Variants in KCTD3 observed in about 807,000 individuals in gnomAD.
KCTD3 encodes potassium channel tetramerization domain containing 3, also known as BTB/POZ domain-containing protein KCTD3.
In KCTD3, 41 loss-of-function variants were observed where a neutral mutation model predicts 85.8. The ratio of observed to expected loss-of-function variants is 0.48; its 90% CI spans 0.37 to 0.62. The LOEUF (loss-of-function observed/expected upper bound fraction) is 0.62. KCTD3 is among the 20% of genes least tolerant of loss of function. The probability of loss-of-function intolerance (pLI) is 0.00; values close to 1 mark genes in which losing one functional copy is unlikely to be tolerated. For missense variants in KCTD3, 724 were observed against 989.9 expected, an observed-to-expected ratio of 0.73 and a Z score of 3.60; for synonymous variants, 338 against 345.4, an observed-to-expected ratio of 0.98 and a Z score of 0.24.
chr1:215,610,471 A>AAT (rs1338477758), intron 14 of KCTD3, among the ~76,000 whole-genome samples: 15 of 152,008 alleles, frequency 9.9e-5, no homozygotes, highest in African/African-American at 3.6e-4. Context: ...AGGTATGAAG[A>AAT]ATAGGTTATG....
intron 8 of KCTD3, among the ~76,000 whole-genome samples, chr1:215,582,968 G>A (rs933235994): frequency 5.9e-5 from 9 of 152,128 alleles, no homozygotes; most frequent in African/African-American, 1.9e-4. Flanking sequence ...ATCTTATTAA[G>A]AGTTAAATTC....
intron 13 of KCTD3, among the ~76,000 whole-genome samples, chr1:215,604,681 T>C (rs1479617199): frequency 6.6e-6 from 1 of 151,584 alleles, no homozygotes; most frequent in African/African-American, 2.4e-5. Context: ...TTTTGCTCTC[T>C]TGGCATATCT....
At chr1:215,582,931 T>A (rs1038830368) in intron 8 of KCTD3, among the ~76,000 whole-genome samples, 1 of 152,094 alleles carries the variant, frequency 6.6e-6, no homozygotes, top group Non-Finnish European at 1.5e-5. Flanking sequence ...TTCTTTGTAA[T>A]TTTTTAAAAA....
chr1:215,602,695 G>A (rs568047329), intron 12 of KCTD3, among the ~76,000 whole-genome samples: 2 of 152,092 alleles, frequency 1.3e-5, no homozygotes, highest in Non-Finnish European at 2.9e-5. Context: ...GACTAGTTCT[G>A]TAAAGTAGTA....
intron 10 of KCTD3, among the ~76,000 whole-genome samples, chr1:215,596,919 C>T (rs1660434177): frequency 6.6e-6 from 1 of 152,092 alleles, no homozygotes; most frequent in Admixed American, 6.5e-5. Context: ...TACAGCACAG[C>T]TAGAAAGGTT....
At chr1:215,573,215 TA>T (rs1390893071) in intron 1 of KCTD3, among the ~76,000 whole-genome samples, 2 of 152,122 alleles carry the variant, frequency 1.3e-5, no homozygotes, top group African/African-American at 4.8e-5. Flanking sequence ...ACTATGAGCT[TA>T]AAAAGAGATA....
intron 10 of KCTD3, 152 bp from the exon 11 acceptor site, chr1:215,601,715 G>A (rs997449221): frequency 1.8e-5 from 10 of 570,640 alleles, no homozygotes; most frequent in Admixed American, 6.3e-5. Context: ...GTGTGTGCAC[G>A]CGTGCACCTA....
chr1:215,568,670 G>C (rs1360336181), intron 1 of KCTD3, among the ~76,000 whole-genome samples: 1 of 152,040 alleles, frequency 6.6e-6, no homozygotes, highest in Non-Finnish European at 1.5e-5. Flanking sequence ...AAATGCTCTG[G>C]AATACAGTTA....
chr1:215,576,938 G>A (rs923695311), intron 4 of KCTD3, among the ~76,000 whole-genome samples: 1 of 152,094 alleles, frequency 6.6e-6, no homozygotes, highest in Non-Finnish European at 1.5e-5. Context: ...ATTTAACATA[G>A]TAATTGTATA....
Position 215,620,696 on chromosome 1 carries a change from T to TAGTGTAAAAACTAATG in KCTD3, c.*78_*79insAGTGTAAAAACTAATG. The stretch of plus-strand genomic sequence containing the variant: ...TTACTGAATTTCAGTACATTAGTTT[T>TAGTGTAAAAACTAATG]TACACTAAAACTTTACAAGATAAAA... On this transcript the variant is annotated 3_prime_UTR_variant, in exon 18 of 18. Transcript: ENST00000259154. 1.0e-6 allele frequency: 1 copy of TAGTGTAAAAACTAATG among 998,264 alleles called. No individual in the cohort carries two copies. The highest frequency in any genetic ancestry group is 1.5e-6 in the Non-Finnish European group (1 of 683,620). 61.8% of individuals were successfully genotyped at this position (998,264 alleles called of 1,614,324 possible).
intron 14 of KCTD3, among the ~76,000 whole-genome samples, chr1:215,610,579 A>G (rs59635576): frequency 5.9e-5 from 9 of 151,938 alleles, no homozygotes; most frequent in Admixed American, 3.3e-4. Context: ...TTCATTGTCA[A>G]TATTTTGACT....
chr1:215,578,792 G>A (rs1659683619), intron 6 of KCTD3, among the ~76,000 whole-genome samples: 1 of 151,934 alleles, frequency 6.6e-6, no homozygotes, highest in African/African-American at 2.4e-5. Context: ...CCAGAAATCT[G>A]TTGACAGAAT....
At chr1:215,574,987 T>C (rs142768579) in intron 3 of KCTD3, among the ~76,000 whole-genome samples, 23 of 152,244 alleles carry the variant, frequency 1.5e-4, no homozygotes, top group East Asian at 1.9e-4. Context: ...TGGGGTGGCT[T>C]ATGCCTGTAA....
intron 9 of KCTD3, 35 bp downstream of exon 9, chr1:215,586,720 A>T (rs1387999881): frequency 6.5e-7 from 1 of 1,540,916 alleles, no homozygotes; most frequent in Non-Finnish European, 8.9e-7. Context: ...CAATTTGATG[A>T]TATTAATATT....
chr1:215,616,716 C>T (rs926176751), intron 15 of KCTD3, among the ~76,000 whole-genome samples: 21 of 152,284 alleles, frequency 1.4e-4, no homozygotes, highest in South Asian at 6.2e-4. Flanking sequence ...GCCGAGATCA[C>T]GCCATTGCAC....
intron 17 of KCTD3, 131 bp downstream of exon 17, chr1:215,619,422 T>A: frequency 1.3e-6 from 1 of 762,794 alleles, no homozygotes; most frequent in Non-Finnish European, 2.0e-6. Context: ...GACATTATGT[T>A]AACTTTTTAA....
At chr1:215,585,849 A>G (rs1322117598) in intron 8 of KCTD3, among the ~76,000 whole-genome samples, 2 of 152,216 alleles carry the variant, frequency 1.3e-5, no homozygotes, top group South Asian at 4.1e-4. Context: ...ATGGAACTGT[A>G]GTTCCATAGA....
chr1:215,568,165 T>C (rs1659215887), intron 1 of KCTD3, among the ~76,000 whole-genome samples: 1 of 152,180 alleles, frequency 6.6e-6, no homozygotes, highest in Non-Finnish European at 1.5e-5. Flanking sequence ...GAGATGAACT[T>C]GCTTTCCTTT....
chr1:215,582,152 G>C (rs914188890), intron 8 of KCTD3, among the ~76,000 whole-genome samples: 2 of 152,154 alleles, frequency 1.3e-5, no homozygotes, highest in Non-Finnish European at 2.9e-5. Flanking sequence ...GAGATTTAAG[G>C]ATTTATTTTC....
Sources: allele counts gnomAD v4.1 joint callset (sites outside exome capture counted in the v4.1 genomes callset), GRCh38; gene constraint gnomAD v4.1.1; transcripts MANE v1.5; gene names NCBI Gene and HGNC (gene_info 2026-07-23, HGNC 2026-07-21).